Variants in UTRN observed in about 807,000 individuals in gnomAD.
UTRN encodes the protein utrophin, also known as dystrophin-related protein 1.
In UTRN, 283 loss-of-function variants were observed where a neutral mutation model predicts 463.9. The ratio of observed to expected loss-of-function variants is 0.61; its 90% CI spans 0.55 to 0.67. UTRN has a LOEUF of 0.67. Among genes scored for constraint, UTRN ranks in the 30% least tolerant of loss-of-function variants. The probability of loss-of-function intolerance (pLI) is 0.00; values close to 1 mark genes in which losing one functional copy is unlikely to be tolerated. For missense variants in UTRN, 3,922 were observed against 4,084.3 expected (o/e 0.96, Z 1.08); for synonymous variants, 1,442 against 1,431.5 (o/e 1.01, Z -0.17).
rs116501521 is a variant in UTRN at position 144,680,829 on chromosome 6, A to G, written c.7652+2251A>G. On this transcript the variant is annotated intron_variant, in intron 52 of 74. Transcript: ENST00000367545. ...AGGGGCTTGAAATAACACTGTGTTG[A>G]TATGAAAATCAATACATTAAGTCTG... is the stretch of plus-strand genomic sequence containing the variant. Among the ~76,000 whole-genome samples the G allele has an allele frequency of 4.0e-3, 607 of 152,292 alleles. 7 individuals are homozygous for G. Among genetic ancestry groups the G allele is most frequent in the African/African-American group, 0.012 (491 of 41,568 alleles).
Position 144,491,043 on chromosome 6 carries a change from G to A in UTRN, c.4378G>A (p.Val1460Ile), listed in dbSNP as rs145799060. ...GGATGGCGTGAAAGCAGAACTTCAC[G>A]TTCTGGATGTGAAGGACGTAGACCC... Reference protein sequence around the residue: ...VLDGVKAELHVLDVKDVDPDV... With the variant: ...VLDGVKAELHILDVKDVDPDV... Residue 1460 changes from valine (V) to isoleucine (I), a missense_variant, in exon 32 of 75, where the codon GTT (valine) becomes ATT (isoleucine). By Grantham distance (29) the Val-to-Ile change is conservative (BLOSUM62 3). Transcript: ENST00000367545. 7.0e-5 allele frequency: 113 copies of A among 1,613,982 alleles called. No individual in the cohort carries two copies. The highest frequency in any genetic ancestry group is 4.0e-4 in the Admixed American group (24 of 59,964).
At chr6:144,772,029 T>G (rs1045273888) in intron 59 of UTRN, 61 bp downstream of exon 59, 84 of 1,020,674 alleles carry the variant, frequency 8.2e-5, no homozygotes, top group Admixed American at 1.9e-4. Flanking sequence ...TTTTTTTTTT[T>G]TTTTTTTTTT....
At chr6:144,629,551 A>G (rs996594290) in intron 51 of UTRN, among the ~76,000 whole-genome samples, 5 of 152,202 alleles carry the variant, frequency 3.3e-5, no homozygotes, top group African/African-American at 1.2e-4. Flanking sequence ...AGTAACCTCT[A>G]TTCTGAGTCT....
At chr6:144,379,224 T>C (rs1780706535) in intron 2 of UTRN, among the ~76,000 whole-genome samples, 1 of 39,860 alleles carries the variant, frequency 2.5e-5, no homozygotes, top group Admixed American at 2.8e-4. Context: ...CTGTAACAAG[T>C]CACCCCAACA....
chr6:144,744,604 TACACACACACACACACACACACACATAC>T (rs1790497681), intron 54 of UTRN, among the ~76,000 whole-genome samples: 4 of 103,214 alleles, frequency 3.9e-5, no homozygotes, highest in East Asian at 5.2e-4. Flanking sequence ...TGACAGGGCA[TACACACACACACACACACACACACATAC>T]ACACACACAC....
chr6:144,385,909 A>G (rs1781376475), intron 2 of UTRN, among the ~76,000 whole-genome samples: 1 of 152,048 alleles, frequency 6.6e-6, no homozygotes, highest in African/African-American at 2.4e-5. Context: ...AGGTTTCATC[A>G]TGTTGACCAG....
chr6:144,419,586 C>T (rs374329907), intron 3 of UTRN, among the ~76,000 whole-genome samples: 4 of 152,272 alleles, frequency 2.6e-5, no homozygotes, highest in South Asian at 4.1e-4. Flanking sequence ...TGGGGTCATT[C>T]GAGACCCAAA....
intron 50 of UTRN, among the ~76,000 whole-genome samples, chr6:144,561,197 AAAT>A (rs1799832415): frequency 8.0e-6 from 1 of 125,528 alleles, no homozygotes; most frequent in African/African-American, 2.9e-5. Context: ...TCCAGGGCAA[AAAT>A]AACATTATAT....
intron 43 of UTRN, 113 bp downstream of exon 43, chr6:144,533,373 A>T (rs1372219761): frequency 2.0e-6 from 3 of 1,474,568 alleles, no homozygotes; most frequent in African/African-American, 2.8e-5. Context: ...TAGGAATTTT[A>T]CTGACATTTA....
intron 2 of UTRN, among the ~76,000 whole-genome samples, chr6:144,329,992 T>G (rs906738118): frequency 3.9e-5 from 6 of 152,180 alleles, no homozygotes; most frequent in Non-Finnish European, 7.3e-5. Flanking sequence ...AGACATCAAA[T>G]TGCAGAGCAT....
chr6:144,456,075 TTTTTG>T (rs1788780713), intron 19 of UTRN, among the ~76,000 whole-genome samples: 1 of 152,178 alleles, frequency 6.6e-6, no homozygotes, highest in African/African-American at 2.4e-5. Flanking sequence ...CCCTAATTCT[TTTTTG>T]TTTTAAAGAT....
intron 35 of UTRN, among the ~76,000 whole-genome samples, chr6:144,512,912 C>T (rs563451326): frequency 6.6e-6 from 1 of 152,254 alleles, no homozygotes; most frequent in East Asian, 1.9e-4. Context: ...CTTTTACTGT[C>T]TAAGCATTTT....
chr6:144,449,420 C>G (rs1788026183), intron 17 of UTRN, among the ~76,000 whole-genome samples: 1 of 152,178 alleles, frequency 6.6e-6, no homozygotes, highest in Non-Finnish European at 1.5e-5. Flanking sequence ...ACAGTCATTT[C>G]CTAGAATGTA....
chr6:144,618,497 G>A (rs1473079470), intron 51 of UTRN, among the ~76,000 whole-genome samples: 2 of 151,952 alleles, frequency 1.3e-5, no homozygotes, highest in African/African-American at 2.4e-5. Context: ...TATTTATTAG[G>A]CATGCACTAA....
chr6:144,655,760 C>T (rs1206228756), intron 51 of UTRN, among the ~76,000 whole-genome samples: 8 of 152,166 alleles, frequency 5.3e-5, no homozygotes, highest in African/African-American at 1.2e-4. Flanking sequence ...TTAAGATCCA[C>T]TATAGGAGTA....
intron 51 of UTRN, among the ~76,000 whole-genome samples, chr6:144,646,765 ATTACT>A: frequency 6.6e-6 from 1 of 152,314 alleles, no homozygotes; most frequent in East Asian, 1.9e-4. Flanking sequence ...TTTTCTAAAG[ATTACT>A]TTATGTAGAC....
intron 7 of UTRN, 82 bp from the exon 8 acceptor site, chr6:144,428,696 C>A: frequency 1.4e-6 from 1 of 705,194 alleles, no homozygotes; most frequent in Non-Finnish European, 2.2e-6. Context: ...TAATCTAAAA[C>A]TAAAATGTAT....
At chr6:144,569,536 C>A (rs575193189) in intron 50 of UTRN, among the ~76,000 whole-genome samples, 2 of 152,204 alleles carry the variant, frequency 1.3e-5, no homozygotes, top group Admixed American at 1.3e-4. Flanking sequence ...ATGTGTATAT[C>A]TCATTTCCTC....
chr6:144,517,427 G>A (rs558675136), intron 39 of UTRN, among the ~76,000 whole-genome samples: 2 of 151,180 alleles, frequency 1.3e-5, no homozygotes, highest in Non-Finnish European at 2.9e-5. Context: ...TGAACTCCTA[G>A]GCTCAAGTGA....
Sources: allele counts gnomAD v4.1 joint callset (sites outside exome capture counted in the v4.1 genomes callset), GRCh38; gene constraint gnomAD v4.1.1; transcripts MANE v1.5; gene names NCBI Gene and HGNC (gene_info 2026-07-23, HGNC 2026-07-21).